The following SETDB1 variants were observed in gnomAD, a reference collection of about 807,000 sequenced individuals.
The protein encoded by SETDB1 is histone-lysine N-methyltransferase SETDB1.
SETDB1 carries 31 observed loss-of-function variants against 137.4 expected under a neutral mutation model. That is an observed-to-expected ratio of 0.23 (90% CI 0.17 to 0.30). The LOEUF is 0.30. Ranked by LOEUF, SETDB1 falls within the 10% of genes least tolerant of loss-of-function variation. The probability of loss-of-function intolerance (pLI) is 1.00; values close to 1 mark genes in which losing one functional copy is unlikely to be tolerated. For synonymous variants in SETDB1, 548 were observed against 579.9 expected, an observed-to-expected ratio of 0.95 and a Z score of 0.79; for missense variants, 1,113 against 1,631.5, an observed-to-expected ratio of 0.68 and a Z score of 5.47.
Position 150,949,264 on chromosome 1 carries a change from A to G in SETDB1, c.1410A>G (p.Gln470=). ...CACCTGCTCCACCTCTATCCCCCCA[A>G]GCAGGTGACAGTGAGTGAGTGTTAT... The part of the protein sequence containing the change: ...PFPPAPPLSP[Q]AGDSESLESQ... Residue 470 remains glutamine (Q), a synonymous_variant, in exon 11 of 22, where the codon CAA becomes CAG. Coordinates refer to ENST00000692827, the MANE Select transcript of SETDB1 (RefSeq NM_001366418.1). 6.2e-7 allele frequency: 1 copy of G among 1,613,634 alleles called. No individual in the cohort carries two copies. Among genetic ancestry groups the G allele is most frequent in the South Asian group, 1.1e-5 (1 of 91,000 alleles).
intron 10 of SETDB1, among the ~76,000 whole-genome samples, chr1:150,947,974 G>A (rs757336194): frequency 2.6e-5 from 4 of 151,984 alleles, no homozygotes; most frequent in Non-Finnish European, 5.9e-5. Context: ...GCTCGTGTCT[G>A]TAGTCTCAGC....
chr1:150,959,204 A>C lies in SETDB1; in HGVS notation c.2360A>C (p.Lys787Thr). ...TGVYECNKRC[K>T]CDPNMCTNRL... is the part of the protein sequence containing the mutation. ...GTATATGAGTGTAACAAACGCTGCA[A>C]ATGTGACCCAAACATGTGCACAAAC... The change falls in exon 15 of 22, where the codon AAA becomes ACA. Residue 787 changes from lysine (K) to threonine (T), a missense_variant. Around this residue, in one of 11 missense-constraint regions of SETDB1, gnomAD observed 81 missense variants for 123.4 expected, o/e 0.66. Transcript: ENST00000692827. 6.3e-7 allele frequency: 1 copy of C among 1,589,588 alleles called. No homozygotes were observed. Among genetic ancestry groups the C allele is most frequent in the Non-Finnish European group, 8.5e-7 (1 of 1,172,178 alleles).
chr1:150,933,525 C>A (rs777211161), intron 3 of SETDB1, among the ~76,000 whole-genome samples: 16 of 151,618 alleles, frequency 1.1e-4, no homozygotes, highest in Non-Finnish European at 2.4e-4. Flanking sequence ...CACAGGCACG[C>A]GCCATCACAC....
At chr1:150,939,862 G>T (rs1558015357) in intron 3 of SETDB1, 78 bp from the exon 4 acceptor site, 1 of 999,030 alleles carries the variant, frequency 1.0e-6, no homozygotes, top group East Asian at 2.4e-5. Flanking sequence ...TAATGCTTTT[G>T]AGTAAGTTAG....
intron 8 of SETDB1, among the ~76,000 whole-genome samples, chr1:150,944,331 C>G (rs1670256035): frequency 6.6e-6 from 1 of 152,158 alleles, no homozygotes; most frequent in Admixed American, 6.6e-5. Context: ...TCATACTGCA[C>G]CTAACATTTG....
chr1:150,952,743 C>T (rs1004952105), intron 14 of SETDB1, among the ~76,000 whole-genome samples: 1 of 151,872 alleles, frequency 6.6e-6, no homozygotes, highest in African/African-American at 2.4e-5. Flanking sequence ...AAAAATTAGC[C>T]GGGCATGGTG....
intron 10 of SETDB1, among the ~76,000 whole-genome samples, chr1:150,948,415 C>T (rs1335154854): frequency 2.0e-5 from 3 of 151,586 alleles, no homozygotes; most frequent in South Asian, 2.1e-4. Context: ...GGGTTACAGG[C>T]GACTGCTACC....
At chr1:150,950,339 T>G (rs889849914) in intron 12 of SETDB1, 119 bp from the exon 13 acceptor site, 5 of 880,860 alleles carry the variant, frequency 5.7e-6, no homozygotes, top group African/African-American at 5.0e-5. Context: ...TGAATCATCT[T>G]TAGCTTCAGG....
intron 20 of SETDB1, 106 bp from the exon 21 acceptor site, chr1:150,963,889 A>G (rs765676168): frequency 9.4e-6 from 12 of 1,282,216 alleles, no homozygotes; most frequent in Non-Finnish European, 1.1e-6. Flanking sequence ...CATCTATTAT[A>G]ATGGGGAGGG....
intron 4 of SETDB1, among the ~76,000 whole-genome samples, chr1:150,940,176 G>A (rs766757286): frequency 6.6e-6 from 1 of 152,148 alleles, no homozygotes; most frequent in African/African-American, 2.4e-5. Flanking sequence ...AAGGAGTGTT[G>A]TATGAAAGTG....
intron 10 of SETDB1, among the ~76,000 whole-genome samples, chr1:150,948,100 C>T (rs1243064548): frequency 1.3e-5 from 2 of 151,652 alleles, no homozygotes; most frequent in African/African-American, 2.4e-5. Context: ...TGGTGGTGTG[C>T]ACCTGTAGCC....
intron 14 of SETDB1, among the ~76,000 whole-genome samples, chr1:150,953,865 T>C (rs1176942867): frequency 6.6e-6 from 1 of 151,852 alleles, no homozygotes; most frequent in Non-Finnish European, 1.5e-5. Context: ...AAAAATTTTT[T>C]TTTTTTTTAG....
In SETDB1 at chr1:150,927,884, G is replaced by T; in HGVS notation, c.170G>T (p.Arg57Leu). ...GAGAAGATGGATTGTGTACAGCAAC[G>T]CAAGAAGCAGCTAGCAGAGTTAGAG... Reference protein sequence around the residue: ...ELEKMDCVQQRKKQLAELETW... With the variant: ...ELEKMDCVQQLKKQLAELETW... Residue 57 changes from arginine to leucine, a missense_variant, in exon 2 of 22, where the codon CGC becomes CTC. Coordinates refer to ENST00000692827, the MANE Select transcript of SETDB1 (RefSeq NM_001366418.1). The T allele has an allele frequency of 6.2e-7, 1 of 1,614,162 alleles. No individual in the cohort carries two copies. The highest frequency in any genetic ancestry group is 2.2e-5 in the East Asian group (1 of 44,886).
At chr1:150,927,666 T>C in intron 1 of SETDB1, 38 bp from the exon 2 acceptor site, 2 of 1,588,860 alleles carry the variant, frequency 1.3e-6, no homozygotes, top group Non-Finnish European at 1.7e-6. Flanking sequence ...ATTGTAGTTA[T>C]AAGGACTCCA....
chr1:150,947,029 T>C lies in SETDB1; in HGVS notation c.1267+17T>C, dbSNP rs1416112160. 3.1e-6 allele frequency: 5 copies of C among 1,613,178 alleles called. No individual in the cohort carries two copies. The highest frequency in any genetic ancestry group is 4.2e-6 in the Non-Finnish European group (5 of 1,179,396). ...CAAATATGGGTATGTCCTGAAAGAT[T>C]CCTGGAGGAAGGAAGAAACAGGCCA... On this transcript the variant is annotated intron_variant, in intron 10 of 21. Transcript: ENST00000692827.
At chr1:150,948,746 G>A (rs1278185223) in intron 10 of SETDB1, among the ~76,000 whole-genome samples, 2 of 150,806 alleles carry the variant, frequency 1.3e-5, no homozygotes, top group East Asian at 1.9e-4. Flanking sequence ...TTTTTGAGAC[G>A]AAGTCTTGTT....
chr1:150,946,827 A>G, intron 9 of SETDB1, 59 bp from the exon 10 acceptor site: 1 of 1,602,062 alleles, frequency 6.2e-7, no homozygotes, highest in South Asian at 1.1e-5. Flanking sequence ...TCTACACAGG[A>G]CAGGATAGAT....
At chr1:150,945,996 C>T (rs976215444) in intron 9 of SETDB1, among the ~76,000 whole-genome samples, 2 of 137,986 alleles carry the variant, frequency 1.4e-5, no homozygotes, top group African/African-American at 2.6e-5. Context: ...GCCACCACGC[C>T]TGGCCTGTTT....
intron 5 of SETDB1, 134 bp downstream of exon 5, chr1:150,941,562 A>G (rs1345502225): frequency 4.6e-5 from 27 of 587,238 alleles, no homozygotes; most frequent in Non-Finnish European, 7.4e-5. Flanking sequence ...TCCCAGTTAC[A>G]TTGATGGTGA....
Sources: gnomAD v4.1 joint callset for allele counts (sites outside exome capture counted in the v4.1 genomes callset) on GRCh38, gnomAD v4.1.1 for gene constraint, gnomAD v4.1.1 regional missense constraint, MANE v1.5 for transcripts, NCBI Gene and HGNC (gene_info 2026-07-23, HGNC 2026-07-21) for gene names.